TMEM272: variants seen among roughly 807,000 people sequenced by gnomAD.
The protein encoded by TMEM272 is long intergenic non-protein coding RNA 282.
TMEM272 carries 8 observed loss-of-function variants against 3.7 expected under a neutral mutation model. The ratio of observed to expected loss-of-function variants is 2.17; its 90% CI spans 1.27 to 3.91. The LOEUF is 3.91. TMEM272 is among the 30% of genes most tolerant of loss of function. TMEM272 has a pLI of 0.00. For missense variants in TMEM272, 166 were observed against 91.5 expected, an observed-to-expected ratio of 1.81 and a Z score of -3.32; for synonymous variants, 63 against 39.8, an observed-to-expected ratio of 1.58 and a Z score of -2.20.
At chr13:51,925,447 CTT>C in the TMEM272 span, among the ~76,000 whole-genome samples, 1 of 152,150 alleles carries the variant, frequency 6.6e-6, no homozygotes, top group Non-Finnish European at 1.5e-5. Flanking sequence ...GTGGAATTAA[CTT>C]TTTTCTTTCC....
intron 2 of TMEM272, among the ~76,000 whole-genome samples, chr13:51,828,208 T>C (rs761594195): frequency 5.9e-5 from 9 of 152,230 alleles, no homozygotes; most frequent in Non-Finnish European, 8.8e-5. Flanking sequence ...CAGCTTGAGT[T>C]GGGCTTTCTG....
chr13:51,831,337 T>C (rs988341277), intron 2 of TMEM272, among the ~76,000 whole-genome samples: 2 of 152,082 alleles, frequency 1.3e-5, no homozygotes, highest in Admixed American at 1.3e-4. Context: ...GATGGAAGGA[T>C]CGCTTGAACC....
chr13:51,853,474 AT>A, the TMEM272 span, among the ~76,000 whole-genome samples: 1 of 152,182 alleles, frequency 6.6e-6, no homozygotes, highest in African/African-American at 2.4e-5. Context: ...ATGGATCATC[AT>A]AAAGGTCTGC....
chr13:51,831,229 C>A (rs1399925088), intron 2 of TMEM272, among the ~76,000 whole-genome samples: 1 of 152,170 alleles, frequency 6.6e-6, no homozygotes, highest in East Asian at 1.9e-4. Flanking sequence ...TGAAACCCAC[C>A]TGGGCAACAT....
the TMEM272 span, chr13:51,865,924 G>A: frequency 4.2e-5 from 68 of 1,614,014 alleles, no homozygotes; most frequent in Middle Eastern, 3.3e-4. Flanking sequence ...AAGATAAAAC[G>A]TCCCTCTGGG....
At chr13:51,909,528 CT>C in the TMEM272 span, 1 of 1,048,770 alleles carries the variant, frequency 9.5e-7, no homozygotes, top group Non-Finnish European at 1.5e-6. Flanking sequence ...TGTTTTCCGA[CT>C]GCAAAGATGC....
At chr13:51,867,039 C>T in the TMEM272 span, among the ~76,000 whole-genome samples, 56,244 of 151,868 alleles carry the variant, frequency 0.37, 10,766 homozygotes, top group East Asian at 0.51. Context: ...TAGGGAATGC[C>T]ACACAAATGA....
At chr13:51,902,359 T>G in the TMEM272 span, among the ~76,000 whole-genome samples, 1 of 152,358 alleles carries the variant, frequency 6.6e-6, no homozygotes, top group African/African-American at 2.4e-5. Flanking sequence ...TGGGAATTAT[T>G]AGCTGCTGCT....
chr13:51,920,366 A>G, the TMEM272 span, among the ~76,000 whole-genome samples: 1 of 152,180 alleles, frequency 6.6e-6, no homozygotes, highest in Non-Finnish European at 1.5e-5. Context: ...GCTCTGTGCC[A>G]GGCAGCACAG....
At chr13:51,821,662 T>C (rs1316620589) in intron 4 of TMEM272, among the ~76,000 whole-genome samples, 1 of 139,562 alleles carries the variant, frequency 7.2e-6, no homozygotes, top group Admixed American at 7.4e-5. Flanking sequence ...GAAGCTTTTT[T>C]TTCCTCAAAA....
At chr13:51,864,532 CCCATGCTGTTGTAGGCAG>C in the TMEM272 span, among the ~76,000 whole-genome samples, 1 of 152,226 alleles carries the variant, frequency 6.6e-6, no homozygotes, top group African/African-American at 2.4e-5. Context: ...ATAAGATTTA[CCCATGCTGTTGTAGGCAG>C]CCATGCTGTC....
intron 3 of TMEM272, 43 bp downstream of exon 3, chr13:51,826,523 C>T (rs1419324786): frequency 1.4e-6 from 1 of 702,296 alleles, no homozygotes; most frequent in Non-Finnish European, 2.6e-6. Context: ...CATGCCCCAA[C>T]CTGGCTGACC....
the TMEM272 span, among the ~76,000 whole-genome samples, chr13:51,925,957 G>T: frequency 6.6e-6 from 1 of 152,102 alleles, no homozygotes; most frequent in African/African-American, 2.4e-5. Context: ...ATGTAAATGT[G>T]CATGAGGTAT....
the TMEM272 span, among the ~76,000 whole-genome samples, chr13:51,903,942 C>CGTGTGTGT: frequency 0.016 from 2,221 of 136,648 alleles, 47 homozygotes; most frequent in African/African-American, 0.04. Flanking sequence ...CAGTCTTCCA[C>CGTGTGTGT]GTGTGTGTGT....
intron 1 of TMEM272, 118 bp from the exon 2 acceptor site, chr13:51,838,671 T>C: frequency 1.5e-6 from 1 of 679,688 alleles, no homozygotes; most frequent in Non-Finnish European, 2.7e-6. Flanking sequence ...TCAGCCCGGG[T>C]GGCCTGGGTG....
chr13:51,934,246 C>T, the TMEM272 span: 4 of 234,690 alleles, frequency 1.7e-5, no homozygotes, highest in African/African-American at 6.7e-5. Context: ...AGACTATGTA[C>T]GAAGAAAGGA....
At chr13:51,865,500 T>G in the TMEM272 span, 1 of 1,614,190 alleles carries the variant, frequency 6.2e-7, no homozygotes, top group Non-Finnish European at 8.5e-7. Context: ...CAGAAGAAAC[T>G]AATGCACAAG....
the TMEM272 span, among the ~76,000 whole-genome samples, chr13:51,866,470 C>T: frequency 2.4e-4 from 36 of 152,200 alleles, no homozygotes; most frequent in African/African-American, 8.4e-4. Context: ...CCGCTGTCTC[C>T]GCCACGCTGT....
At chr13:51,860,911 G>A in the TMEM272 span, among the ~76,000 whole-genome samples, 2 of 151,626 alleles carry the variant, frequency 1.3e-5, no homozygotes, top group African/African-American at 4.8e-5. Context: ...GAGACACAGT[G>A]AAAATTTCTG....
Sources: gnomAD v4.1 joint callset for allele counts (sites outside exome capture counted in the v4.1 genomes callset) on GRCh38, gnomAD v4.1.1 for gene constraint, MANE v1.5 for transcripts, NCBI Gene and HGNC (gene_info 2026-07-23, HGNC 2026-07-21) for gene names.